Variants in HMGN4 observed in about 807,000 individuals in gnomAD.
HMGN4 encodes the protein high mobility group nucleosome-binding domain-containing protein 4.
For missense variants in HMGN4, 69 were observed against 104.9 expected (o/e 0.66, Z 1.49); for synonymous variants, 39 against 39.1 (o/e 1.00, Z 0.01).
intron 1 of HMGN4, among the ~76,000 whole-genome samples, chr6:26,543,610 A>G (rs1276267281): frequency 2.0e-5 from 3 of 147,108 alleles, no homozygotes; most frequent in South Asian, 2.2e-4. Context: ...AAAATACAAA[A>G]ATTGGCTGGG....
intron 1 of HMGN4, among the ~76,000 whole-genome samples, chr6:26,538,926 T>C (rs1235814073): frequency 2.0e-5 from 3 of 152,172 alleles, no homozygotes; most frequent in Non-Finnish European, 2.9e-5. Context: ...GAAACCCTCG[T>C]TGAGGAGACA....
intron 1 of HMGN4, among the ~76,000 whole-genome samples, chr6:26,544,721 G>C (rs1764328004): frequency 1.3e-5 from 2 of 152,126 alleles, no homozygotes; most frequent in Non-Finnish European, 2.9e-5. Context: ...CTCCATATCA[G>C]CTGAGCCCTT....
chr6:26,545,084 A>G, intron 1 of HMGN4, 43 bp from the exon 2 acceptor site: 2 of 722,000 alleles, frequency 2.8e-6, no homozygotes, highest in Non-Finnish European at 4.3e-6. Flanking sequence ...TACATTCGTC[A>G]GTCTTTCCCT....
chr6:26,545,160 A>C lies in HMGN4; in HGVS notation c.-47A>C. 5 of 1,487,720 alleles carry C rather than the reference A, an allele frequency of 3.4e-6. No homozygotes were observed. The highest frequency in any genetic ancestry group is 4.5e-6 in the Non-Finnish European group (5 of 1,113,962). 92.2% of individuals were successfully genotyped at this position (1,487,720 alleles called of 1,614,324 possible). On this transcript the variant is annotated 5_prime_UTR_variant, in exon 2 of 2. Transcript: ENST00000377575. ...CCAGGAACAGCGTGAGGAGGACAGA[A>C]GCACCCAACAGGACTGCTCAAGCCA...
At chr6:26,541,087 C>T (rs1264638464) in intron 1 of HMGN4, among the ~76,000 whole-genome samples, 5 of 152,112 alleles carry the variant, frequency 3.3e-5, no homozygotes, top group Non-Finnish European at 5.9e-5. Context: ...CACTCTATTG[C>T]CCAGGCTGGA....
chr6:26,542,251 G>A lies in HMGN4; in HGVS notation c.-80-2876G>A, dbSNP rs1367715607. Among the ~76,000 whole-genome samples, 3 of 151,894 alleles carry A rather than the reference G, an allele frequency of 2.0e-5. No homozygotes were observed. The highest frequency in any genetic ancestry group is 4.2e-4 in the South Asian group (2 of 4,816). On this transcript the variant is annotated intron_variant, in intron 1 of 1. Transcript: ENST00000377575. The surrounding 1 kb of genome is among the most constrained non-coding windows in gnomAD (Gnocchi z 4.6). ...AGCAATTTTTGGTTTACAGAAAATTGAGCAGAAGATACAGAGTTCCCACAT... is the reference window on the plus strand; with the variant it reads ...AGCAATTTTTGGTTTACAGAAAATTAAGCAGAAGATACAGAGTTCCCACAT...
intron 1 of HMGN4, among the ~76,000 whole-genome samples, chr6:26,544,168 C>T (rs1205890472): frequency 1.3e-5 from 2 of 152,190 alleles, no homozygotes; most frequent in Non-Finnish European, 2.9e-5. Context: ...CCTCCCCCAT[C>T]TCTGGACTAA....
At chr6:26,539,654 GA>G (rs1561894506) in intron 1 of HMGN4, among the ~76,000 whole-genome samples, 31 of 135,098 alleles carry the variant, frequency 2.3e-4, no homozygotes, top group African/African-American at 4.1e-4. Flanking sequence ...AAAAAAAAAA[GA>G]AAAGAAAAGA....
chr6:26,543,685 C>T (rs1201229839), intron 1 of HMGN4, among the ~76,000 whole-genome samples: 13 of 140,158 alleles, frequency 9.3e-5, no homozygotes, highest in South Asian at 2.4e-4. Flanking sequence ...TGCTTGAACC[C>T]GGGAGGCAGA....
At chr6:26,539,501 C>T (rs1348444017) in intron 1 of HMGN4, among the ~76,000 whole-genome samples, 1 of 151,922 alleles carries the variant, frequency 6.6e-6, no homozygotes, top group Non-Finnish European at 1.5e-5. Context: ...AAACTCCTGA[C>T]CTCAAGTGAT....
chr6:26,543,421 CTTTTTTT>C lies in HMGN4; in HGVS notation c.-80-1694_-80-1688del, dbSNP rs70977285. Among the ~76,000 whole-genome samples the C allele has an allele frequency of 3.7e-5, 3 of 80,136 alleles. 1 individual carries two copies. The highest frequency in any genetic ancestry group is 6.6e-5 in the Non-Finnish European group (3 of 45,466). The allele number at this position is 80,136 out of a possible 152,430, so 52.6% of individuals were successfully genotyped here. On this transcript the variant is annotated intron_variant, in intron 1 of 1. Coordinates refer to ENST00000377575, the MANE Select transcript of HMGN4 (RefSeq NM_006353.3). ...CTGTATGTCTCAGTGGCACCATTAC[CTTTTTTT>C]TTTTTTTTTTTGAAGCAGAGTCTCA... is the stretch of plus-strand genomic sequence containing the variant.
At chr6:26,541,420 CA>C (rs1764286786) in intron 1 of HMGN4, among the ~76,000 whole-genome samples, 1 of 152,158 alleles carries the variant, frequency 6.6e-6, no homozygotes, top group African/African-American at 2.4e-5. Flanking sequence ...ACTTAAACAA[CA>C]AAAATTAATT....
At chr6:26,540,734 C>T (rs1764279287) in intron 1 of HMGN4, among the ~76,000 whole-genome samples, 1 of 152,176 alleles carries the variant, frequency 6.6e-6, no homozygotes, top group Non-Finnish European at 1.5e-5. Flanking sequence ...CTCCAACCCC[C>T]AAACACGATC....
At position 26,545,612 on chromosome 6, in the gene HMGN4, T is replaced by C; in HGVS notation, c.*133T>C. The C allele has an allele frequency of 1.5e-6, 1 of 663,470 alleles. No homozygotes were observed. The highest frequency in any genetic ancestry group is 2.3e-6 in the Non-Finnish European group (1 of 428,116). 41.1% of individuals were successfully genotyped at this position (663,470 alleles called of 1,614,324 possible). ...TGTTGTTAGCACACAGGACACTTCC[T>C]TGTTGTCTTTTGTGGAAAGGGCAAG... On this transcript the variant is annotated 3_prime_UTR_variant, in exon 2 of 2. Transcript: ENST00000377575.
intron 1 of HMGN4, among the ~76,000 whole-genome samples, chr6:26,543,579 G>T (rs1344326041): frequency 6.9e-6 from 1 of 144,378 alleles, no homozygotes; most frequent in Non-Finnish European, 1.5e-5. Flanking sequence ...TGGCCAACAC[G>T]GTGAAACCCT....
At chr6:26,539,647 A>G (rs1308476090) in intron 1 of HMGN4, among the ~76,000 whole-genome samples, 1 of 135,338 alleles carries the variant, frequency 7.4e-6, no homozygotes, top group Non-Finnish European at 1.6e-5. Context: ...AAAAAAAAAA[A>G]AAAAAAGAAA....
At chr6:26,541,739 A>G (rs752860098) in intron 1 of HMGN4, among the ~76,000 whole-genome samples, 1 of 152,200 alleles carries the variant, frequency 6.6e-6, no homozygotes, top group Non-Finnish European at 1.5e-5. Context: ...CATGCTAACA[A>G]AAGGATTGGA....
rs1764354495 is a variant in HMGN4, at chr6:26,546,662, C to T, written c.*1183C>T. Among the ~76,000 whole-genome samples, 2 of 152,204 alleles carry T rather than the reference C, an allele frequency of 1.3e-5. No homozygotes were observed. Among genetic ancestry groups the T allele is most frequent in the African/African-American group, 2.4e-5 (1 of 41,452 alleles). On this transcript the variant is annotated 3_prime_UTR_variant, in exon 2 of 2. Transcript: ENST00000377575. The stretch of plus-strand genomic sequence containing the variant: ...TTGTAACCAATTTCACCTCTGTCTC[C>T]AGTATCACCACAAAATTGTTCTTCC...
chr6:26,539,634 T>TAAAA (rs61003052), intron 1 of HMGN4, among the ~76,000 whole-genome samples: 12 of 125,118 alleles, frequency 9.6e-5, no homozygotes, highest in South Asian at 2.6e-4. Flanking sequence ...TCCGCAAAAT[T>TAAAA]AAAAAAAAAA....
Sources: gnomAD v4.1 joint callset for allele counts (sites outside exome capture counted in the v4.1 genomes callset) on GRCh38, gnomAD v4.1.1 for gene constraint, Gnocchi (gnomAD v3.1) non-coding constraint, MANE v1.5 for transcripts, NCBI Gene and HGNC (gene_info 2026-07-23, HGNC 2026-07-21) for gene names.